The following HPSE2 variants were observed in gnomAD, a reference collection of about 807,000 sequenced individuals.
HPSE2 encodes the protein inactive heparanase-2.
Under a neutral mutation model 60.5 loss-of-function variants are expected in HPSE2, and 38 were observed. That is an observed-to-expected ratio of 0.63 (90% CI 0.48 to 0.82). The LOEUF (loss-of-function observed/expected upper bound fraction) is 0.82. HPSE2 is among the 40% of genes least tolerant of loss of function. The pLI is 0.00. For missense variants in HPSE2, 713 were observed against 740.4 expected (o/e 0.96, Z 0.43); for synonymous variants, 295 against 293.2 (o/e 1.01, Z -0.06).
chr10:98,908,297 G>A (rs376901766), intron 3 of HPSE2, among the ~76,000 whole-genome samples: 4 of 152,134 alleles, frequency 2.6e-5, no homozygotes, highest in East Asian at 3.9e-4. Context: ...AAAACAACTT[G>A]TCATGATTAC....
chr10:98,921,562 A>G (rs1428973557), intron 3 of HPSE2, among the ~76,000 whole-genome samples: 1 of 152,204 alleles, frequency 6.6e-6, no homozygotes. Flanking sequence ...TTGTGCTCCA[A>G]TTACCATCTA....
At chr10:99,049,694 T>C (rs1164224058) in intron 3 of HPSE2, among the ~76,000 whole-genome samples, 1 of 152,096 alleles carries the variant, frequency 6.6e-6, no homozygotes, top group Non-Finnish European at 1.5e-5. Flanking sequence ...TGCAAGGGTA[T>C]AATAAAGATA....
At chr10:99,038,497 T>C (rs1377845106) in intron 3 of HPSE2, among the ~76,000 whole-genome samples, 3 of 152,152 alleles carry the variant, frequency 2.0e-5, no homozygotes, top group Admixed American at 6.5e-5. Flanking sequence ...GATTAGTTGT[T>C]GCCAGGGTTT....
chr10:98,996,418 G>C (rs930642910), intron 3 of HPSE2, among the ~76,000 whole-genome samples: 23 of 152,264 alleles, frequency 1.5e-4, no homozygotes, highest in African/African-American at 5.1e-4. Context: ...AACCACTTTG[G>C]AAAATAGTTT....
At chr10:99,139,729 T>A (rs1845796961) in intron 3 of HPSE2, among the ~76,000 whole-genome samples, 1 of 152,226 alleles carries the variant, frequency 6.6e-6, no homozygotes, top group Non-Finnish European at 1.5e-5. Context: ...ATACATGTGA[T>A]ACAATCTTTA....
chr10:98,879,121 C>T (rs778730583), intron 3 of HPSE2, among the ~76,000 whole-genome samples: 18 of 151,922 alleles, frequency 1.2e-4, no homozygotes, highest in Non-Finnish European at 2.1e-4. Flanking sequence ...CCTAGTGGAG[C>T]TGTCAATGTG....
the HPSE2 span, among the ~76,000 whole-genome samples, chr10:99,289,800 T>TA: frequency 2.8e-4 from 43 of 152,302 alleles, no homozygotes; most frequent in African/African-American, 9.9e-4. Flanking sequence ...TACGGCAAAT[T>TA]AAATTATGGT....
chr10:99,254,558 T>A, the HPSE2 span, among the ~76,000 whole-genome samples: 1 of 152,230 alleles, frequency 6.6e-6, no homozygotes, highest in Non-Finnish European at 1.5e-5. Flanking sequence ...AAAAAAATTT[T>A]AAAAAGAATA....
chr10:99,271,759 T>C, the HPSE2 span, among the ~76,000 whole-genome samples: 1 of 152,022 alleles, frequency 6.6e-6, no homozygotes, highest in Non-Finnish European at 1.5e-5. Flanking sequence ...AATAAGGCCA[T>C]AGCCACCAAA....
At chr10:98,937,733 A>G (rs1954849438) in intron 3 of HPSE2, among the ~76,000 whole-genome samples, 1 of 141,400 alleles carries the variant, frequency 7.1e-6, no homozygotes, top group African/African-American at 2.9e-5. Context: ...TGAAGAGAGC[A>G]GTGGTTCTCC....
At chr10:98,868,380 T>TG (rs1952647188) in intron 3 of HPSE2, among the ~76,000 whole-genome samples, 2 of 151,170 alleles carry the variant, frequency 1.3e-5, no homozygotes, top group South Asian at 4.2e-4. Context: ...AGCGGGGAGG[T>TG]GGGGATGGTT....
intron 9 of HPSE2, among the ~76,000 whole-genome samples, chr10:98,558,235 G>A (rs1237223508): frequency 6.6e-6 from 1 of 152,118 alleles, no homozygotes; most frequent in Non-Finnish European, 1.5e-5. Flanking sequence ...ATGTAAACAT[G>A]TTCTATGATC....
intron 11 of HPSE2, among the ~76,000 whole-genome samples, chr10:98,462,257 C>G (rs900024317): frequency 3.9e-5 from 6 of 152,190 alleles, no homozygotes; most frequent in African/African-American, 1.4e-4. Flanking sequence ...TGGCTCACTG[C>G]AACCTCTGCC....
chr10:98,538,743 G>A (rs903666430), intron 9 of HPSE2, among the ~76,000 whole-genome samples: 1 of 152,056 alleles, frequency 6.6e-6, no homozygotes, highest in Non-Finnish European at 1.5e-5. Context: ...TAATTAATGT[G>A]GCTTTTGATT....
chr10:98,948,946 CT>C (rs1564682595), intron 3 of HPSE2, among the ~76,000 whole-genome samples: 1 of 152,030 alleles, frequency 6.6e-6, no homozygotes, highest in Non-Finnish European at 1.5e-5. Flanking sequence ...TATGTGTTAA[CT>C]GGCTGTTTAT....
At chr10:98,831,252 T>C (rs1565195379) in intron 3 of HPSE2, among the ~76,000 whole-genome samples, 1 of 152,146 alleles carries the variant, frequency 6.6e-6, no homozygotes, top group Non-Finnish European at 1.5e-5. Context: ...TTGGCCTTCC[T>C]GTATTTGCAG....
intron 5 of HPSE2, among the ~76,000 whole-genome samples, chr10:98,696,312 A>C (rs1237854747): frequency 1.3e-5 from 2 of 150,926 alleles, no homozygotes; most frequent in African/African-American, 4.8e-5. Context: ...AAAAAAAAAA[A>C]AAAAAACCAT....
At chr10:98,537,623 T>C (rs577118664) in intron 9 of HPSE2, among the ~76,000 whole-genome samples, 5 of 152,326 alleles carry the variant, frequency 3.3e-5, no homozygotes, top group African/African-American at 1.2e-4. Flanking sequence ...CAGGTGAGCC[T>C]TCTGTCACGC....
intron 3 of HPSE2, among the ~76,000 whole-genome samples, chr10:99,137,331 G>C (rs1845697179): frequency 6.6e-6 from 1 of 152,168 alleles, no homozygotes; most frequent in Non-Finnish European, 1.5e-5. Flanking sequence ...GTAATTTATA[G>C]ATTCAATGCT....
Sources: allele counts gnomAD v4.1 joint callset (sites outside exome capture counted in the v4.1 genomes callset), GRCh38; gene constraint gnomAD v4.1.1; transcripts MANE v1.5; gene names NCBI Gene and HGNC (gene_info 2026-07-23, HGNC 2026-07-21).